QRICH1: variants seen among roughly 807,000 people sequenced by gnomAD.
The protein encoded by QRICH1 is transcriptional regulator QRICH1.
A neutral mutation model predicts 87.1 loss-of-function variants in QRICH1; 16 were observed. The ratio of observed to expected loss-of-function variants is 0.18; its 90% CI spans 0.12 to 0.28. QRICH1 has a LOEUF of 0.28. Ranked by LOEUF, QRICH1 falls within the 10% of genes least tolerant of loss-of-function variation. The pLI is 1.00. For synonymous variants in QRICH1, 367 were observed against 368.4 expected, an observed-to-expected ratio of 1.00 and a Z score of 0.05; for missense variants, 647 against 951.7, an observed-to-expected ratio of 0.68 and a Z score of 4.21.
intron 1 of QRICH1, chr3:49,093,225 A>T (rs1472367313): frequency 1.3e-5 from 2 of 152,124 alleles, no homozygotes; most frequent in African/African-American, 4.8e-5. Context: ...CGAAGCAGAG[A>T]AACACCCTAC....
Position 49,030,202 on chromosome 3 carries a change from A to T in QRICH1, c.*250T>A, listed in dbSNP as rs1022518743. The T allele has an allele frequency of 2.0e-6, 1 of 511,506 alleles. No individual in the cohort carries two copies. The highest frequency in any genetic ancestry group is 2.0e-5 in the African/African-American group (1 of 49,746). The allele number at this position is 511,506 out of a possible 1,614,324, so 31.7% of individuals were successfully genotyped here. ...GGCCCCAGACAAAAAAGAGTCAGCC[A>T]GCAACTTTCTAGGACATATGACACT... On this transcript the variant is annotated 3_prime_UTR_variant, in exon 10 of 10. Transcript: ENST00000395443.
intron 2 of QRICH1, among the ~76,000 whole-genome samples, chr3:49,071,104 G>A (rs559816454): frequency 3.4e-5 from 5 of 148,810 alleles, no homozygotes; most frequent in Non-Finnish European, 5.9e-5. Context: ...TTGCTCTATC[G>A]CCCAGGCTGG....
intron 1 of QRICH1, among the ~76,000 whole-genome samples, chr3:49,077,991 A>AC (rs2041984315): frequency 1.3e-5 from 2 of 152,214 alleles, no homozygotes; most frequent in Non-Finnish European, 2.9e-5. Flanking sequence ...AAAAGTGTGC[A>AC]ATCTGTGGAC....
Position 49,057,164 on chromosome 3 carries a change from G to T in QRICH1, c.1036C>A (p.Pro346Thr). 1 of 1,614,220 alleles carries T rather than the reference G, an allele frequency of 6.2e-7. No individual in the cohort carries two copies. Among genetic ancestry groups the T allele is most frequent in the Non-Finnish European group, 8.5e-7 (1 of 1,180,052 alleles). ...AGCTTAACAGCTGCCAGGGCTGTGGGTGAGCCACTGACGTGAACTGCGTTG... is the reference window on the plus strand; with the variant it reads ...AGCTTAACAGCTGCCAGGGCTGTGGTTGAGCCACTGACGTGAACTGCGTTG... ...AYNAVHVSGS[P>T]TALAAVKLED... Residue 346 changes from proline (P) to threonine (T), a missense_variant, in exon 3 of 10, where the codon CCC becomes ACC. Physicochemically the swap from Pro to Thr is conservative, Grantham distance 38 (BLOSUM62 -1). Coordinates refer to ENST00000395443, the MANE Select transcript of QRICH1 (RefSeq NM_198880.3). This position sits in a 1 kb window ranked among gnomAD's most constrained non-coding sequence, Gnocchi z 5.4.
intron 3 of QRICH1, among the ~76,000 whole-genome samples, chr3:49,050,248 C>CAAAAAAAAAAAAAAAAAAAAAA (rs527597101): frequency 1.9e-4 from 10 of 52,410 alleles, no homozygotes; most frequent in African/African-American, 2.9e-4. Flanking sequence ...GACTCCGTCT[C>CAAAAAAAAAAAAAAAAAAAAAA]AAAAAAAAAA....
chr3:49,074,025 G>A (rs569432978), intron 2 of QRICH1, among the ~76,000 whole-genome samples: 4 of 151,928 alleles, frequency 2.6e-5, no homozygotes, highest in South Asian at 2.1e-4. Flanking sequence ...TCAATGATCC[G>A]TCCACCTTGG....
At chr3:49,050,075 G>A (rs1177577188) in intron 3 of QRICH1, among the ~76,000 whole-genome samples, 1 of 149,456 alleles carries the variant, frequency 6.7e-6, no homozygotes, top group Non-Finnish European at 1.5e-5. Flanking sequence ...GGTGGCTCAC[G>A]CCTGTAATCC....
At chr3:49,085,157 C>A (rs2042144963) in intron 1 of QRICH1, among the ~76,000 whole-genome samples, 2 of 151,844 alleles carry the variant, frequency 1.3e-5, no homozygotes, top group Admixed American at 6.6e-5. Context: ...AAAAAAAAAT[C>A]ATCTTTTTCT....
chr3:49,056,028 T>A lies in QRICH1; in HGVS notation c.1338+834A>T, dbSNP rs868410731. On this transcript the variant is annotated intron_variant, in intron 3 of 9. Transcript: ENST00000395443. The stretch of plus-strand genomic sequence containing the variant: ...TTTGCTCCTGTTGTCCAGGCTGGAA[T>A]GCAATGGCGCAATCTCAGCTCACTG... Among the ~76,000 whole-genome samples the A allele has an allele frequency of 2.6e-5, 4 of 152,100 alleles. 1 individual carries two copies. The Middle Eastern group carries it at 0.01, about 388-fold the overall frequency.
Position 49,029,781 on chromosome 3 carries a change from T to A in QRICH1, c.*671A>T. The A allele has an allele frequency of 3.6e-6, 1 of 280,094 alleles. No homozygotes were observed. The highest frequency in any genetic ancestry group is 7.0e-6 in the Non-Finnish European group (1 of 142,214). 17.4% of individuals were successfully genotyped at this position (280,094 alleles called of 1,614,324 possible). ...ACATAAGAGAAACAGAGTGGTATCT[T>A]TATATGATACACAAGTGTATGTTAC... On this transcript the variant is annotated 3_prime_UTR_variant, in exon 10 of 10. Coordinates refer to ENST00000395443, the MANE Select transcript of QRICH1 (RefSeq NM_198880.3).
Position 49,076,714 on chromosome 3 carries a change from C to A in QRICH1, c.304G>T (p.Val102Phe). 6 of 1,566,132 alleles carry A rather than the reference C, an allele frequency of 3.8e-6. No individual in the cohort carries two copies. The highest frequency in any genetic ancestry group is 1.8e-4 in the Middle Eastern group (1 of 5,546). ...CCTCAGCATTTCCCATATACCTGAA[C>A]CTGCTGCGGCTGCTGAACCTGGATC... ...QQIQVQQPQQ[V>F]QVQVQVQQSP... Residue 102 changes from valine to phenylalanine, a missense_variant, in exon 2 of 10, where the codon GTT becomes TTT. Val to Phe is a conservative substitution (Grantham distance 50). This residue lies in a region of QRICH1 where 156 missense variants were observed against 164.5 expected (regional missense o/e 0.95). Coordinates refer to ENST00000395443, the MANE Select transcript of QRICH1 (RefSeq NM_198880.3).
intron 2 of QRICH1, among the ~76,000 whole-genome samples, chr3:49,073,867 T>C (rs2041897178): frequency 6.6e-6 from 1 of 152,012 alleles, no homozygotes; most frequent in South Asian, 2.1e-4. Flanking sequence ...CAGGCTGGTT[T>C]TAACCTCCTG....
intron 1 of QRICH1, among the ~76,000 whole-genome samples, chr3:49,082,712 G>A (rs1257813475): frequency 2.0e-5 from 3 of 151,722 alleles, no homozygotes; most frequent in African/African-American, 7.3e-5. Context: ...TGGCTAACAC[G>A]GTGAAACCCT....
At chr3:49,035,311 A>C (rs2106821167) in intron 6 of QRICH1, among the ~76,000 whole-genome samples, 1 of 152,230 alleles carries the variant, frequency 6.6e-6, no homozygotes, top group East Asian at 1.9e-4. Flanking sequence ...GGCTGAAGCA[A>C]TTCTCCTACC....
intron 4 of QRICH1, 82 bp from the exon 5 acceptor site, chr3:49,046,661 T>TG (rs2106863805): frequency 6.8e-7 from 1 of 1,466,520 alleles, no homozygotes; most frequent in African/African-American, 1.4e-5. Flanking sequence ...CCCATCAGGG[T>TG]GCTGGGATAG....
chr3:49,085,584 G>A (rs190941767), intron 1 of QRICH1, among the ~76,000 whole-genome samples: 3 of 151,728 alleles, frequency 2.0e-5, no homozygotes, highest in Admixed American at 6.6e-5. Flanking sequence ...ATGAAACCCC[G>A]CCTCTACTAA....
At chr3:49,089,391 T>C (rs1247679764) in intron 1 of QRICH1, among the ~76,000 whole-genome samples, 2 of 152,124 alleles carry the variant, frequency 1.3e-5, no homozygotes, top group African/African-American at 4.8e-5. Context: ...AAACTAAAAT[T>C]TGTATTTTTC....
intron 2 of QRICH1, among the ~76,000 whole-genome samples, chr3:49,069,131 T>C (rs2093486292): frequency 7.1e-6 from 1 of 140,354 alleles, no homozygotes; most frequent in Non-Finnish European, 1.6e-5. Context: ...TTTGAGATAG[T>C]CTTGTTCTGT....
intron 3 of QRICH1, among the ~76,000 whole-genome samples, chr3:49,051,584 G>GCCCCCC (rs11420410): frequency 3.5e-5 from 2 of 57,004 alleles, no homozygotes; most frequent in African/African-American, 6.8e-5. Flanking sequence ...CCCCCCCTGC[G>GCCCCCC]CCCCCCCCCC....
Sources: gnomAD v4.1 joint callset for allele counts (sites outside exome capture counted in the v4.1 genomes callset) on GRCh38, gnomAD v4.1.1 for gene constraint, gnomAD v4.1.1 regional missense constraint, Gnocchi (gnomAD v3.1) non-coding constraint, MANE v1.5 for transcripts, NCBI Gene and HGNC (gene_info 2026-07-23, HGNC 2026-07-21) for gene names.